ERICH3: variants seen among roughly 807,000 people sequenced by gnomAD.
ERICH3 encodes glutamate-rich protein 3.
Under a neutral mutation model 131.1 loss-of-function variants are expected in ERICH3, and 126 were observed. The ratio of observed to expected loss-of-function variants is 0.96; its 90% CI spans 0.83 to 1.11. The LOEUF (loss-of-function observed/expected upper bound fraction) is 1.11, where lower values mean the gene tolerates loss of function less well. ERICH3 is among the 50% of genes most tolerant of loss of function. ERICH3 has a pLI of 0.00. For missense variants in ERICH3, 2,050 were observed against 1,810.7 expected, an observed-to-expected ratio of 1.13 and a Z score of -2.40; for synonymous variants, 695 against 644.6, an observed-to-expected ratio of 1.08 and a Z score of -1.18.
At chr1:74,661,103 A>G (rs1269283438) in intron 1 of ERICH3, among the ~76,000 whole-genome samples, 1 of 152,108 alleles carries the variant, frequency 6.6e-6, no homozygotes, top group East Asian at 1.9e-4. Flanking sequence ...AATATAATCA[A>G]CCATGTTAAA....
At position 74,572,095 on chromosome 1, in the gene ERICH3, C is replaced by A. The variant is rs773486954; in HGVS notation, c.3615G>T (p.Lys1205Asn). 6.8e-6 allele frequency: 11 copies of A among 1,614,236 alleles called. No individual in the cohort carries two copies. The highest frequency in any genetic ancestry group is 8.5e-6 in the Non-Finnish European group (10 of 1,180,036). ...CCTCTCCATCTTGGCGGTGCCCTTC[C>A]TTCAGGGCCCTATTCTCCCTGCTGG... The part of the protein sequence containing the change: ...ELSSRENRAL[K>N]EGHRQDGEGA... The change falls in exon 14 of 15, where the codon AAG (lysine) becomes AAT (asparagine). Residue 1205 changes from lysine (K) to asparagine (N), a missense_variant. Physicochemically the swap from Lys to Asn is moderately conservative, Grantham distance 94. Coordinates refer to ENST00000326665, the MANE Select transcript of ERICH3 (RefSeq NM_001002912.5).
intron 12 of ERICH3, among the ~76,000 whole-genome samples, chr1:74,580,191 G>A (rs886791819): frequency 6.6e-6 from 1 of 151,742 alleles, no homozygotes; most frequent in Non-Finnish European, 1.5e-5. Flanking sequence ...TTTTTTACTC[G>A]ATTCTTACTA....
intron 12 of ERICH3, 185 bp from the exon 13 acceptor site, chr1:74,577,121 C>T: frequency 1.9e-6 from 1 of 523,806 alleles, no homozygotes; most frequent in Non-Finnish European, 3.3e-6. Flanking sequence ...ATCTAATGTT[C>T]TTTTATTTAA....
chr1:74,590,459 T>C (rs1334733018), intron 11 of ERICH3, among the ~76,000 whole-genome samples: 1 of 152,128 alleles, frequency 6.6e-6, no homozygotes, highest in Non-Finnish European at 1.5e-5. Flanking sequence ...ACGGTCAGAT[T>C]TGGAGATAAT....
intron 13 of ERICH3, 63 bp downstream of exon 13, chr1:74,576,831 CA>C (rs1647064648): frequency 4.3e-6 from 6 of 1,406,718 alleles, no homozygotes; most frequent in Non-Finnish European, 5.8e-6. Context: ...GAAGTTTGAC[CA>C]GATTTATGAG....
Position 74,646,724 on chromosome 1 carries a change from T to C in ERICH3, c.186A>G (p.Gln62=). ...YKLNMMKRDH[Q]KYIRECLAQA... is the part of the protein sequence containing the mutation. ...GGGCTAAGCATTCCCGGATATATTT[T>C]TGATGATCCCGCTTCATCATATTTA... Residue 62 remains glutamine, a synonymous_variant, in exon 3 of 15, where the codon CAA becomes CAG. Coordinates refer to ENST00000326665, the MANE Select transcript of ERICH3 (RefSeq NM_001002912.5). The C allele has an allele frequency of 6.7e-7, 1 of 1,500,186 alleles. No individual in the cohort carries two copies. The highest frequency in any genetic ancestry group is 9.0e-7 in the Non-Finnish European group (1 of 1,108,134). The allele number at this position is 1,500,186 out of a possible 1,614,324, so 92.9% of individuals were successfully genotyped here.
In ERICH3 at chr1:74,641,341, G is replaced by A; in HGVS notation, c.434C>T (p.Pro145Leu). 6.8e-6 allele frequency: 11 copies of A among 1,612,396 alleles called. No individual in the cohort carries two copies. Among genetic ancestry groups the A allele is most frequent in the East Asian group, 2.2e-5 (1 of 44,746 alleles). ...SVLVDEGHSS[P>L]LALTAPRPYT... Reference sequence around the variant, plus strand: ...TTTAATATTACTCACCAGTGCTAACGGACTGGAATGTCCTTCATCAACCAG... The same window carrying A: ...TTTAATATTACTCACCAGTGCTAACAGACTGGAATGTCCTTCATCAACCAG... The change falls in exon 5 of 15, where the codon CCG (proline) becomes CTG (leucine). Residue 145 changes from proline to leucine, a missense_variant. By Grantham distance (98) the Pro-to-Leu change is moderately conservative (BLOSUM62 -3). Transcript: ENST00000326665.
chr1:74,613,100 C>T (rs1293886052), intron 8 of ERICH3, among the ~76,000 whole-genome samples: 1 of 152,128 alleles, frequency 6.6e-6, no homozygotes, highest in African/African-American at 2.4e-5. Flanking sequence ...TTCAAAGTTG[C>T]ATGCAGCCTG....
At chr1:74,661,779 G>A (rs557994404) in intron 1 of ERICH3, among the ~76,000 whole-genome samples, 1 of 152,192 alleles carries the variant, frequency 6.6e-6, no homozygotes, top group Admixed American at 6.5e-5. Context: ...TATTTTTGAA[G>A]GAAGAAAATA....
chr1:74,671,165 C>T (rs540384240), intron 1 of ERICH3, among the ~76,000 whole-genome samples: 5 of 150,562 alleles, frequency 3.3e-5, no homozygotes, highest in African/African-American at 9.8e-5. Context: ...TGCCCTTTGC[C>T]TTGTGATCTT....
intron 12 of ERICH3, among the ~76,000 whole-genome samples, chr1:74,585,914 G>T (rs142949127): frequency 1.7e-3 from 261 of 151,978 alleles, no homozygotes; most frequent in African/African-American, 6.1e-3. Flanking sequence ...GAAAACATTA[G>T]CCCCCCAACT....
At chr1:74,659,694 G>A (rs1422673257) in intron 1 of ERICH3, among the ~76,000 whole-genome samples, 7 of 152,136 alleles carry the variant, frequency 4.6e-5, no homozygotes, top group African/African-American at 1.7e-4. Flanking sequence ...CTGTTAATCT[G>A]CAAAACATCC....
chr1:74,578,619 C>CT (rs1238708028), intron 12 of ERICH3: 2 of 151,558 alleles, frequency 1.3e-5, no homozygotes, highest in Non-Finnish European at 2.9e-5. Context: ...CCTTTCTGTC[C>CT]TTTTTTCCTT....
At chr1:74,619,500 A>G (rs1181445140) in intron 8 of ERICH3, among the ~76,000 whole-genome samples, 1 of 152,186 alleles carries the variant, frequency 6.6e-6, no homozygotes, top group Non-Finnish European at 1.5e-5. Flanking sequence ...TCCCACTTAT[A>G]TCATGAAAAT....
chr1:74,594,939 C>A (rs1215307244), intron 11 of ERICH3, among the ~76,000 whole-genome samples: 2 of 152,084 alleles, frequency 1.3e-5, no homozygotes, highest in Non-Finnish European at 2.9e-5. Context: ...AGTTCACAAA[C>A]TAAAATGAGT....
At chr1:74,606,976 G>T in intron 9 of ERICH3, 74 bp from the exon 10 acceptor site, 1 of 1,341,690 alleles carries the variant, frequency 7.5e-7, no homozygotes, top group Non-Finnish European at 1.0e-6. Flanking sequence ...GCTTTTGAAA[G>T]CACTTATCTC....
intron 1 of ERICH3, among the ~76,000 whole-genome samples, chr1:74,665,597 G>A (rs762824184): frequency 2.0e-5 from 3 of 152,144 alleles, no homozygotes; most frequent in African/African-American, 7.2e-5. Flanking sequence ...TGACATCAAG[G>A]TGTCAGCAGG....
Position 74,571,913 on chromosome 1 carries a change from A to T in ERICH3, c.3797T>A (p.Val1266Asp). ...GRAEGQGGVD[V>D]VLRTQEAVAE... ...AACAGCTTCCTGGGTCCTTAGCACGACATCCACTCCTCCTTGCCCTTCAGC... is the reference window on the plus strand; with the variant it reads ...AACAGCTTCCTGGGTCCTTAGCACGTCATCCACTCCTCCTTGCCCTTCAGC... The change falls in exon 14 of 15, where the codon GTC becomes GAC. Residue 1266 changes from valine (V) to aspartate (D), a missense_variant. Val to Asp is a radical substitution (Grantham distance 152, BLOSUM62 -3). Coordinates refer to ENST00000326665, the MANE Select transcript of ERICH3 (RefSeq NM_001002912.5). The T allele has an allele frequency of 6.2e-7, 1 of 1,612,690 alleles. No homozygotes were observed. The highest frequency in any genetic ancestry group is 8.5e-7 in the Non-Finnish European group (1 of 1,180,022).
At chr1:74,581,675 T>C (rs368973153) in intron 12 of ERICH3, among the ~76,000 whole-genome samples, 21 of 152,214 alleles carry the variant, frequency 1.4e-4, no homozygotes, top group African/African-American at 4.3e-4. Context: ...AATAGTTACA[T>C]GATAAACCAA....
Sources: gnomAD v4.1 joint callset for allele counts (sites outside exome capture counted in the v4.1 genomes callset) on GRCh38, gnomAD v4.1.1 for gene constraint, MANE v1.5 for transcripts, NCBI Gene and HGNC (gene_info 2026-07-23, HGNC 2026-07-21) for gene names.